Variants in SNCAIP observed in about 807,000 individuals in gnomAD.
SNCAIP encodes the protein synuclein alpha interacting protein.
Under a neutral mutation model 86.7 loss-of-function variants are expected in SNCAIP, and 43 were observed. The ratio of observed to expected loss-of-function variants is 0.50; its 90% CI spans 0.39 to 0.64. The LOEUF (loss-of-function observed/expected upper bound fraction) is 0.64. SNCAIP is among the 30% of genes least tolerant of loss of function. The pLI is 0.00. For missense variants in SNCAIP, 981 were observed against 1,103.1 expected, an observed-to-expected ratio of 0.89 and a Z score of 1.57; for synonymous variants, 417 against 427.2, an observed-to-expected ratio of 0.98 and a Z score of 0.29.
intron 8 of SNCAIP, among the ~76,000 whole-genome samples, chr5:122,446,416 A>G (rs896169649): frequency 1.3e-5 from 2 of 152,234 alleles, no homozygotes; most frequent in Admixed American, 1.3e-4. Flanking sequence ...CTTCTTGTTC[A>G]TAGCATGGAA....
intron 1 of SNCAIP, among the ~76,000 whole-genome samples, chr5:122,369,434 C>G (rs1327316032): frequency 2.6e-5 from 4 of 152,260 alleles, no homozygotes; most frequent in Admixed American, 2.0e-4. Flanking sequence ...TCAGGCCACA[C>G]GGAAAGCATT....
In SNCAIP at chr5:122,450,989, A is replaced by G. The variant is rs773950088; in HGVS notation, c.2142A>G (p.Ala714=). The G allele has an allele frequency of 6.2e-7, 1 of 1,614,192 alleles. No homozygotes were observed. Among genetic ancestry groups the G allele is most frequent in the Admixed American group, 1.7e-5 (1 of 60,030 alleles). ...AAAGCGTAGAGAGTATGGACAGCGC[A>G]GAAAGCCTGCACCTGATGATTAAGA... ...IVESVESMDS[A]ESLHLMIKKH... Residue 714 remains alanine (A), a synonymous_variant, in exon 10 of 11, where the codon GCA becomes GCG. Coordinates refer to ENST00000261368, the MANE Select transcript of SNCAIP (RefSeq NM_005460.4).
At chr5:122,403,526 G>A (rs1772287175) in intron 2 of SNCAIP, among the ~76,000 whole-genome samples, 1 of 152,142 alleles carries the variant, frequency 6.6e-6, no homozygotes, top group South Asian at 2.1e-4. Flanking sequence ...GAGGGAGAGA[G>A]TGTCTGCTGG....
At chr5:122,363,218 A>G (rs909252303) in intron 1 of SNCAIP, among the ~76,000 whole-genome samples, 1 of 151,336 alleles carries the variant, frequency 6.6e-6, no homozygotes, top group African/African-American at 2.4e-5. Context: ...CTGGTCTCCA[A>G]CTCCCAACCT....
At chr5:122,323,045 C>T (rs1030752413) in intron 1 of SNCAIP, among the ~76,000 whole-genome samples, 7 of 152,176 alleles carry the variant, frequency 4.6e-5, no homozygotes, top group African/African-American at 7.2e-5. Context: ...CTGGATTTGT[C>T]GAAGTGGTGA....
At position 122,342,861 on chromosome 5, in the gene SNCAIP, G is replaced by A. The variant is rs565264858; in HGVS notation, c.-47+30577G>A. On this transcript the variant is annotated intron_variant, in intron 1 of 10. Coordinates refer to ENST00000261368, the MANE Select transcript of SNCAIP (RefSeq NM_005460.4). ...ATAAGAAGGCATTGCTATTTTTCCA[G>A]TGGCAGAATGTTTAGGATATGTTAT... 1.9e-3 allele frequency among the ~76,000 whole-genome samples: 292 copies of A among 152,290 alleles called. 1 individual carries two copies. Among genetic ancestry groups the A allele is most frequent in the Non-Finnish European group, 3.6e-3 (243 of 68,026 alleles).
intron 3 of SNCAIP, among the ~76,000 whole-genome samples, chr5:122,418,812 G>C (rs1020147328): frequency 1.3e-5 from 2 of 152,186 alleles, no homozygotes; most frequent in Admixed American, 1.3e-4. Flanking sequence ...GTTTAGTACA[G>C]GGCTACCTGA....
At chr5:122,442,134 T>TTTTG (rs1554114450) in intron 7 of SNCAIP, among the ~76,000 whole-genome samples, 1 of 147,286 alleles carries the variant, frequency 6.8e-6, no homozygotes, top group African/African-American at 2.5e-5. Flanking sequence ...TTTTTTTTTT[T>TTTTG]GGCTTACACG....
At chr5:122,449,453 A>G (rs1419712578) in intron 8 of SNCAIP, among the ~76,000 whole-genome samples, 1 of 152,164 alleles carries the variant, frequency 6.6e-6, no homozygotes, top group African/African-American at 2.4e-5. Flanking sequence ...TACTTCATAT[A>G]TACATATTTA....
At chr5:122,414,450 T>C (rs1774860373) in intron 3 of SNCAIP, among the ~76,000 whole-genome samples, 1 of 152,038 alleles carries the variant, frequency 6.6e-6, no homozygotes, top group South Asian at 2.1e-4. Flanking sequence ...AGGCTGGTCA[T>C]GAACTCCTGA....
Position 122,451,472 on chromosome 5 carries a change from A to G in SNCAIP, c.2625A>G (p.Gln875=), listed in dbSNP as rs1380324284. 2 of 1,613,934 alleles carry G rather than the reference A, an allele frequency of 1.2e-6. No homozygotes were observed. Among genetic ancestry groups the G allele is most frequent in the South Asian group, 2.2e-5 (2 of 91,060 alleles). Residue 875 remains glutamine (Q), a synonymous_variant, in exon 10 of 11, where the codon CAA becomes CAG. Transcript: ENST00000261368. ...RSIMETLSGN[Q]NNNNNYQAAN... ...TCATGGAGACACTAAGTGGCAACCA[A>G]AACAATAATAATAACTACCAGGCAG...
At chr5:122,332,981 T>G (rs1755700533) in intron 1 of SNCAIP, among the ~76,000 whole-genome samples, 1 of 152,216 alleles carries the variant, frequency 6.6e-6, no homozygotes, top group African/African-American at 2.4e-5. Flanking sequence ...CTTCCAAAGC[T>G]ATTTGGTTGA....
intron 1 of SNCAIP, among the ~76,000 whole-genome samples, chr5:122,327,360 A>G (rs1396872804): frequency 2.0e-5 from 3 of 152,096 alleles, no homozygotes; most frequent in South Asian, 4.1e-4. Context: ...CAGATGGAGG[A>G]CACATTATTT....
chr5:122,429,011 C>G (rs956312253), intron 5 of SNCAIP, among the ~76,000 whole-genome samples: 4 of 151,656 alleles, frequency 2.6e-5, no homozygotes, highest in Admixed American at 1.3e-4. Context: ...AATTAGAAAT[C>G]AATAACAAAA....
chr5:122,440,353 C>G (rs1220550751), intron 6 of SNCAIP: 2 of 415,116 alleles, frequency 4.8e-6, no homozygotes, highest in East Asian at 1.1e-4. Context: ...CTCAATCTTA[C>G]TGCAAACCTA....
chr5:122,382,514 T>G (rs1405844304), intron 1 of SNCAIP, among the ~76,000 whole-genome samples: 1 of 152,242 alleles, frequency 6.6e-6, no homozygotes, highest in Non-Finnish European at 1.5e-5. Context: ...CAGAGTAATT[T>G]GATCGTCTGA....
chr5:122,396,393 A>G (rs995725291), intron 2 of SNCAIP, among the ~76,000 whole-genome samples: 1 of 152,162 alleles, frequency 6.6e-6, no homozygotes, highest in African/African-American at 2.4e-5. Context: ...TAACTCTACA[A>G]ATAGAGTGGT....
In SNCAIP at chr5:122,380,766, A is replaced by C. The variant is rs568206190; in HGVS notation, c.-46-10323A>C. On this transcript the variant is annotated intron_variant, in intron 1 of 10. Coordinates refer to ENST00000261368, the MANE Select transcript of SNCAIP (RefSeq NM_005460.4). Reference sequence around the variant, plus strand: ...TCTTTGTTCTCGTTGGTTTCAAAGAACATCTTTATTTCTGCCTTCATTTCG... The same window carrying C: ...TCTTTGTTCTCGTTGGTTTCAAAGACCATCTTTATTTCTGCCTTCATTTCG... Among the ~76,000 whole-genome samples the C allele has an allele frequency of 1.2e-4, 18 of 151,852 alleles. No individual in the cohort carries two copies. The South Asian group carries it at 3.8e-3, about 32-fold the overall frequency.
intron 1 of SNCAIP, among the ~76,000 whole-genome samples, chr5:122,367,193 G>A (rs896861376): frequency 1.3e-5 from 2 of 152,110 alleles, no homozygotes; most frequent in African/African-American, 4.8e-5. Context: ...ATTAGTGGGT[G>A]AGTAAGAAGA....
Sources: allele counts gnomAD v4.1 joint callset (sites outside exome capture counted in the v4.1 genomes callset), GRCh38; gene constraint gnomAD v4.1.1; transcripts MANE v1.5; gene names NCBI Gene and HGNC (gene_info 2026-07-23, HGNC 2026-07-21).